Variants in TTC27 observed in about 807,000 individuals in gnomAD.
The protein encoded by TTC27 is tetratricopeptide repeat domain 27, also known as tetratricopeptide repeat protein 27.
A neutral mutation model predicts 115.9 loss-of-function variants in TTC27; 79 were observed. The ratio of observed to expected loss-of-function variants is 0.68; its 90% CI spans 0.57 to 0.82. The LOEUF (loss-of-function observed/expected upper bound fraction) is 0.82. Ranked by LOEUF, TTC27 falls within the 40% of genes least tolerant of loss-of-function variation. The pLI, the probability that TTC27 is intolerant of heterozygous loss-of-function variation, is 0.00. For missense variants in TTC27, 1,054 were observed against 993.1 expected (o/e 1.06, Z -0.82); for synonymous variants, 401 against 356.0 (o/e 1.13, Z -1.42).
In TTC27 at chr2:32,770,430, T is replaced by C. The variant is rs1182538337; in HGVS notation, c.1681-7452T>C. On this transcript the variant is annotated intron_variant, in intron 13 of 19. Transcript: ENST00000317907. ...TCTTAACCTCTTCACAGTTTTGCCC[T>C]CGAGGATATCATAGTATGCTAGGAC... Among the ~76,000 whole-genome samples the C allele has an allele frequency of 2.0e-5, 3 of 152,226 alleles. No homozygotes were observed. The East Asian group carries it at 5.8e-4, about 29-fold the overall frequency.
intron 12 of TTC27, among the ~76,000 whole-genome samples, chr2:32,748,344 G>A (rs963149564): frequency 6.6e-6 from 1 of 152,060 alleles, no homozygotes; most frequent in Non-Finnish European, 1.5e-5. Context: ...CTTGTTTTGT[G>A]GCCTGTCGTA....
At chr2:32,745,922 G>A (rs1330426780) in intron 12 of TTC27, among the ~76,000 whole-genome samples, 1 of 152,104 alleles carries the variant, frequency 6.6e-6, no homozygotes, top group Admixed American at 6.5e-5. Context: ...TCTAAATAGT[G>A]CAGGTTTCCC....
chr2:32,814,525 G>A (rs1396733984), intron 18 of TTC27, among the ~76,000 whole-genome samples: 1 of 152,276 alleles, frequency 6.6e-6, no homozygotes, highest in African/African-American at 2.4e-5. Flanking sequence ...CTGTGTATGA[G>A]TCTCTTCAAA....
chr2:32,765,303 A>C (rs1190867582), intron 13 of TTC27, among the ~76,000 whole-genome samples: 1 of 151,278 alleles, frequency 6.6e-6, no homozygotes, highest in Non-Finnish European at 1.5e-5. Context: ...TCTTCATCAG[A>C]GCTCTTGTGT....
In TTC27 at chr2:32,758,299, A is replaced by C; in HGVS notation, c.1460A>C (p.Glu487Ala). ...ERAGQHGKAE[E>A]ILRQELEKKE... ...TATTTCTGTTGTTTCTAGGCAGAAGAAATCCTTAGACAAGAGCTGGAGAAA... is the reference window on the plus strand; with the variant it reads ...TATTTCTGTTGTTTCTAGGCAGAAGCAATCCTTAGACAAGAGCTGGAGAAA... The change falls in exon 13 of 20, where the codon GAA becomes GCA. Residue 487 changes from glutamate to alanine, a missense_variant. Glu to Ala is a moderately radical substitution (Grantham distance 107, BLOSUM62 -1). Coordinates refer to ENST00000317907, the MANE Select transcript of TTC27 (RefSeq NM_017735.5). 1 of 1,614,120 alleles carries C rather than the reference A, an allele frequency of 6.2e-7. No individual in the cohort carries two copies. The highest frequency in any genetic ancestry group is 8.5e-7 in the Non-Finnish European group (1 of 1,180,010).
At chr2:32,745,959 G>A (rs779181479) in intron 12 of TTC27, among the ~76,000 whole-genome samples, 3 of 152,064 alleles carry the variant, frequency 2.0e-5, no homozygotes, top group Non-Finnish European at 2.9e-5. Context: ...ATGTTACTCC[G>A]GTTATAATTA....
intron 4 of TTC27, among the ~76,000 whole-genome samples, chr2:32,642,787 C>T (rs1053802052): frequency 1.3e-5 from 2 of 151,986 alleles, no homozygotes; most frequent in African/African-American, 4.8e-5. Flanking sequence ...CCCACCTCAG[C>T]CTCCCAAGTA....
chr2:32,644,493 T>C (rs1349843635), intron 4 of TTC27, among the ~76,000 whole-genome samples: 1 of 152,232 alleles, frequency 6.6e-6, no homozygotes, highest in African/African-American at 2.4e-5. Flanking sequence ...CTTAATTTCT[T>C]GGCAGCTGTA....
intron 16 of TTC27, among the ~76,000 whole-genome samples, chr2:32,799,517 A>G (rs1392846388): frequency 6.6e-6 from 1 of 152,230 alleles, no homozygotes; most frequent in Non-Finnish European, 1.5e-5. Context: ...AATCTATGCT[A>G]AATATTTTTA....
intron 5 of TTC27, among the ~76,000 whole-genome samples, chr2:32,651,202 A>T (rs957699325): frequency 2.6e-5 from 4 of 152,224 alleles, no homozygotes; most frequent in African/African-American, 9.6e-5. Context: ...TCCAAGGGAC[A>T]TGAGGAGTGG....
rs181302930 is a variant in TTC27, at chr2:32,641,141, T to G, written c.537+731T>G. Among the ~76,000 whole-genome samples, 415 of 152,324 alleles carry G rather than the reference T, an allele frequency of 2.7e-3. 6 individuals are homozygous for G. Among genetic ancestry groups the G allele is most frequent in the African/African-American group, 9.4e-3 (391 of 41,584 alleles). ...CTCACATTCTATGTTATGTCATTAT[T>G]TGGGTTGGATTTAGTAAAGCATTTG... On this transcript the variant is annotated intron_variant, in intron 4 of 19. Coordinates refer to ENST00000317907, the MANE Select transcript of TTC27 (RefSeq NM_017735.5).
At chr2:32,644,050 G>C (rs1211738975) in intron 4 of TTC27, among the ~76,000 whole-genome samples, 1 of 151,752 alleles carries the variant, frequency 6.6e-6, no homozygotes, top group Non-Finnish European at 1.5e-5. Flanking sequence ...GTGTAATGGC[G>C]GGTGCCTGTA....
At position 32,663,893 on chromosome 2, in the gene TTC27, C is replaced by G. The variant is rs1665656867; in HGVS notation, c.641-410C>G. 6.6e-5 allele frequency among the ~76,000 whole-genome samples: 10 copies of G among 152,184 alleles called. No individual in the cohort carries two copies. In the South Asian group the frequency reaches 2.1e-3, roughly 32 times the overall value. ...AGAGATGGGGTTTCACCATGTTGGTCAGGCTGGTCTCGAACTCCTGACCTT... is the reference window on the plus strand; with the variant it reads ...AGAGATGGGGTTTCACCATGTTGGTGAGGCTGGTCTCGAACTCCTGACCTT... On this transcript the variant is annotated intron_variant, in intron 5 of 19. Coordinates refer to ENST00000317907, the MANE Select transcript of TTC27 (RefSeq NM_017735.5).
chr2:32,646,979 G>GT lies in TTC27; in HGVS notation c.538-3139dup, dbSNP rs796575143. Among the ~76,000 whole-genome samples, 413 of 136,970 alleles carry GT rather than the reference G, an allele frequency of 3.0e-3. 1 individual carries two copies. The highest frequency in any genetic ancestry group is 2.3e-3 in the Admixed American group (32 of 13,682). 89.9% of individuals were successfully genotyped at this position (136,970 alleles called of 152,430 possible). A position where few individuals can be genotyped will look rare whatever the true frequency, so the allele number is the denominator to read the frequency against. ...ATATGTTTTTTTTTGTTTGTTTTTT[G>GT]TTTTTTTTTTTTTAGAGTCAGAGTC... On this transcript the variant is annotated intron_variant, in intron 4 of 19. Coordinates refer to ENST00000317907, the MANE Select transcript of TTC27 (RefSeq NM_017735.5).
chr2:32,694,459 C>G (rs1666916856), intron 9 of TTC27, among the ~76,000 whole-genome samples: 1 of 152,050 alleles, frequency 6.6e-6, no homozygotes, highest in Non-Finnish European at 1.5e-5. Context: ...AATCCCGGCA[C>G]TTTGGGAGGC....
chr2:32,777,898 C>T lies in TTC27; in HGVS notation c.1697C>T (p.Ser566Phe). 1 of 1,613,900 alleles carries T rather than the reference C, an allele frequency of 6.2e-7. No individual in the cohort carries two copies. ...TCTTTGCAGCTCGGGGTGTGGTTTTCTCTCGGTTGTGCCTATTTGGCCTTG... is the reference window on the plus strand; with the variant it reads ...TCTTTGCAGCTCGGGGTGTGGTTTTTTCTCGGTTGTGCCTATTTGGCCTTG... ...INPMQLGVWF[S>F]LGCAYLALED... The change falls in exon 14 of 20, where the codon TCT (serine) becomes TTT (phenylalanine). Residue 566 changes from serine to phenylalanine, a missense_variant. Ser to Phe is a radical substitution (Grantham distance 155). Coordinates refer to ENST00000317907, the MANE Select transcript of TTC27 (RefSeq NM_017735.5).
chr2:32,727,227 T>C (rs1163414165), intron 10 of TTC27, among the ~76,000 whole-genome samples: 2 of 152,226 alleles, frequency 1.3e-5, no homozygotes, highest in African/African-American at 4.8e-5. Context: ...ATTTTTCTGA[T>C]GAGATTGTGG....
intron 16 of TTC27, 107 bp downstream of exon 16, chr2:32,787,256 A>G: frequency 2.4e-6 from 3 of 1,227,828 alleles, no homozygotes; most frequent in Non-Finnish European, 3.4e-6. Flanking sequence ...TGTTAAACAC[A>G]TGTAACATAT....
intron 8 of TTC27, among the ~76,000 whole-genome samples, chr2:32,676,323 A>G (rs1480082678): frequency 1.3e-5 from 2 of 152,014 alleles, no homozygotes; most frequent in African/African-American, 4.8e-5. Context: ...AAATCATTTC[A>G]TAGTTCTTTC....
Sources: gnomAD v4.1 joint callset for allele counts (sites outside exome capture counted in the v4.1 genomes callset) on GRCh38, gnomAD v4.1.1 for gene constraint, MANE v1.5 for transcripts, NCBI Gene and HGNC (gene_info 2026-07-23, HGNC 2026-07-21) for gene names.